Variants in CLASP1 observed in about 807,000 individuals in gnomAD.
CLASP1 encodes CLIP-associating protein 1.
In CLASP1, 38 loss-of-function variants were observed where a neutral mutation model predicts 192.3. The ratio of observed to expected loss-of-function variants is 0.20; its 90% CI spans 0.15 to 0.26. The LOEUF (loss-of-function observed/expected upper bound fraction) is 0.26. Ranked by LOEUF, CLASP1 falls within the 10% of genes least tolerant of loss-of-function variation. The pLI is 1.00. For missense variants in CLASP1, 1,433 were observed against 1,932.5 expected, an observed-to-expected ratio of 0.74 and a Z score of 4.85; for synonymous variants, 691 against 712.8, an observed-to-expected ratio of 0.97 and a Z score of 0.49.
chr2:121,372,491 C>T (rs72967315), intron 34 of CLASP1, among the ~76,000 whole-genome samples: 6,375 of 152,250 alleles, frequency 0.042, 170 homozygotes, highest in East Asian at 0.14. Flanking sequence ...TCCAAAGTCT[C>T]GATGGATATA....
intron 19 of CLASP1, among the ~76,000 whole-genome samples, chr2:121,431,565 C>A (rs2081405961): frequency 6.6e-6 from 1 of 152,084 alleles, no homozygotes; most frequent in Non-Finnish European, 1.5e-5. Context: ...ATGAAAAAAA[C>A]AACTGAATTT....
intron 23 of CLASP1, among the ~76,000 whole-genome samples, chr2:121,412,457 A>G (rs2077873271): frequency 6.6e-6 from 1 of 152,096 alleles, no homozygotes; most frequent in South Asian, 2.1e-4. Flanking sequence ...AGTTTTACAG[A>G]TGATCTTTGT....
At chr2:121,538,889 A>G (rs1006192265) in intron 2 of CLASP1, among the ~76,000 whole-genome samples, 11 of 152,164 alleles carry the variant, frequency 7.2e-5, no homozygotes, top group African/African-American at 2.2e-4. Context: ...CTATTCTCAT[A>G]ATAAGCCAAA....
chr2:121,465,662 A>G (rs1210164970), intron 9 of CLASP1, among the ~76,000 whole-genome samples: 1 of 152,138 alleles, frequency 6.6e-6, no homozygotes, highest in Non-Finnish European at 1.5e-5. Context: ...CAGAATTGGA[A>G]AAAACTACTT....
chr2:121,614,820 T>C (rs1416912152), intron 1 of CLASP1, among the ~76,000 whole-genome samples: 3 of 152,198 alleles, frequency 2.0e-5, no homozygotes, highest in Admixed American at 6.5e-5. Flanking sequence ...AAGACATACA[T>C]ACACAGAAAA....
chr2:121,370,989 G>A (rs1023678410), intron 34 of CLASP1, among the ~76,000 whole-genome samples: 6 of 152,046 alleles, frequency 3.9e-5, no homozygotes, highest in Admixed American at 6.6e-5. Context: ...AGGAACTGAC[G>A]GAAAAGCACT....
intron 6 of CLASP1, among the ~76,000 whole-genome samples, chr2:121,516,808 C>T (rs1388536979): frequency 6.6e-6 from 1 of 151,696 alleles, no homozygotes; most frequent in Non-Finnish European, 1.5e-5. Flanking sequence ...GCGGGCAGAT[C>T]ACGAGGTCTG....
rs553768595 is a variant in CLASP1, at chr2:121,599,659, T to C, written c.195+6042A>G. ...GGTCAGGCATGGTGGCTCACGCCTGTAATCCCAGCATTTTGAGAGGCCGAG... is the reference window on the plus strand; with the variant it reads ...GGTCAGGCATGGTGGCTCACGCCTGCAATCCCAGCATTTTGAGAGGCCGAG... On this transcript the variant is annotated intron_variant, in intron 2 of 39. Transcript: ENST00000263710. 1.8e-3 allele frequency among the ~76,000 whole-genome samples: 273 copies of C among 148,334 alleles called. 1 individual carries two copies. The highest frequency in any genetic ancestry group is 3.1e-3 in the Non-Finnish European group (208 of 67,594).
At chr2:121,526,363 A>C (rs752516438) in intron 5 of CLASP1, among the ~76,000 whole-genome samples, 2 of 152,208 alleles carry the variant, frequency 1.3e-5, no homozygotes, top group Non-Finnish European at 2.9e-5. Context: ...GACTGCAATC[A>C]AATCAGAGCA....
chr2:121,619,497 TA>T (rs1384498413), intron 1 of CLASP1, among the ~76,000 whole-genome samples: 1 of 152,054 alleles, frequency 6.6e-6, no homozygotes. Context: ...AAACATGTTG[TA>T]AAAAACTATA....
intron 2 of CLASP1, among the ~76,000 whole-genome samples, chr2:121,565,203 A>T (rs1213576811): frequency 6.6e-6 from 1 of 152,200 alleles, no homozygotes; most frequent in Non-Finnish European, 1.5e-5. Flanking sequence ...ATGAACAGGG[A>T]ATGTCCCAGG....
exon 20 of CLASP1, chr2:121,430,103 T>C: frequency 6.4e-7 from 1 of 1,573,736 alleles, no homozygotes; most frequent in Non-Finnish European, 8.6e-7. Flanking sequence ...TTAGCGCGAC[T>C]GCGGCCCCGG....
chr2:121,433,173 T>G (rs978120484), intron 19 of CLASP1, among the ~76,000 whole-genome samples: 1 of 151,826 alleles, frequency 6.6e-6, no homozygotes, highest in African/African-American at 2.4e-5. Flanking sequence ...AATGCAAAAA[T>G]TAGCTGGGCA....
intron 2 of CLASP1, among the ~76,000 whole-genome samples, chr2:121,562,486 A>G (rs1380229856): frequency 1.3e-5 from 2 of 152,210 alleles, no homozygotes; most frequent in African/African-American, 4.8e-5. Flanking sequence ...AAATCACTCC[A>G]AAGCCATGAC....
chr2:121,638,326 T>A (rs1310100673), intron 1 of CLASP1, among the ~76,000 whole-genome samples: 1 of 151,864 alleles, frequency 6.6e-6, no homozygotes, highest in Non-Finnish European at 1.5e-5. Flanking sequence ...GAAAATGACA[T>A]GTGTTGGTGA....
At chr2:121,512,974 T>C (rs1280233724) in intron 7 of CLASP1, 2 of 152,222 alleles carry the variant, frequency 1.3e-5, no homozygotes, top group South Asian at 2.1e-4. Flanking sequence ...TTGAAAAATC[T>C]ATGCTCACAA....
intron 23 of CLASP1, among the ~76,000 whole-genome samples, 189 bp downstream of exon 24, chr2:121,413,952 T>C (rs1574504131): frequency 1.3e-5 from 2 of 152,280 alleles, no homozygotes; most frequent in East Asian, 3.9e-4. Context: ...AAACAGGCTA[T>C]GAAGCATCTA....
intron 1 of CLASP1, among the ~76,000 whole-genome samples, chr2:121,619,577 T>C (rs2066995015): frequency 2.6e-5 from 4 of 152,136 alleles, no homozygotes; most frequent in Non-Finnish European, 5.9e-5. Context: ...TACAGTACAC[T>C]TGCCATCAGA....
chr2:121,409,238 C>T (rs1388700079), intron 24 of CLASP1, among the ~76,000 whole-genome samples: 1 of 152,170 alleles, frequency 6.6e-6, no homozygotes, highest in East Asian at 1.9e-4. Context: ...ATTTCCTAAC[C>T]CTCCTCCACG....
Sources: gnomAD v4.1 joint callset for allele counts (sites outside exome capture counted in the v4.1 genomes callset) on GRCh38, gnomAD v4.1.1 for gene constraint, MANE v1.5 for transcripts, NCBI Gene and HGNC (gene_info 2026-07-23, HGNC 2026-07-21) for gene names.